The following ERC2 variants were observed in gnomAD, a reference collection of about 807,000 sequenced individuals.
ERC2 encodes ERC protein 2.
A neutral mutation model predicts 114.8 loss-of-function variants in ERC2; 42 were observed. The observed-to-expected ratio is 0.37, with a 90% CI of 0.29 to 0.47. The LOEUF (loss-of-function observed/expected upper bound fraction) is 0.47. Ranked by LOEUF, ERC2 falls within the 20% of genes least tolerant of loss-of-function variation. The pLI, the probability that ERC2 is intolerant of heterozygous loss-of-function variation, is 0.99. For synonymous variants in ERC2, 454 were observed against 425.5 expected (o/e 1.07, Z -0.82); for missense variants, 939 against 1,150.7 (o/e 0.82, Z 2.66).
chr3:56,206,522 C>G (rs2048748730), intron 3 of ERC2, among the ~76,000 whole-genome samples: 1 of 152,150 alleles, frequency 6.6e-6, no homozygotes, highest in African/African-American at 2.4e-5. Flanking sequence ...GCATTGATAA[C>G]TATGCTTATG....
intron 17 of ERC2, among the ~76,000 whole-genome samples, chr3:55,649,917 G>A (rs539414637): frequency 3.9e-5 from 6 of 152,286 alleles, no homozygotes; most frequent in African/African-American, 7.2e-5. Context: ...AATCCACGTC[G>A]CTGGAAGACA....
At chr3:55,644,314 A>T (rs1027690567) in intron 17 of ERC2, among the ~76,000 whole-genome samples, 4 of 152,254 alleles carry the variant, frequency 2.6e-5, no homozygotes, top group Admixed American at 2.0e-4. Flanking sequence ...TACCACAAAC[A>T]AGCATTTCTA....
intron 3 of ERC2, among the ~76,000 whole-genome samples, chr3:56,251,216 A>G (rs946925863): frequency 1.3e-5 from 2 of 152,254 alleles, no homozygotes; most frequent in African/African-American, 4.8e-5. Context: ...AAGTTGATCA[A>G]CAGAACAACC....
chr3:55,868,651 A>G (rs1444167657), intron 14 of ERC2, among the ~76,000 whole-genome samples: 1 of 152,136 alleles, frequency 6.6e-6, no homozygotes, highest in African/African-American at 2.4e-5. Context: ...CATAATTTTG[A>G]TCATTATTAC....
intron 2 of ERC2, among the ~76,000 whole-genome samples, chr3:56,306,184 T>A (rs2056217380): frequency 2.0e-5 from 3 of 152,060 alleles, no homozygotes; most frequent in Non-Finnish European, 2.9e-5. Context: ...GTAGTACAAT[T>A]GCGAGTCAAG....
chr3:55,905,055 A>G (rs930226249), intron 13 of ERC2, among the ~76,000 whole-genome samples: 1 of 152,184 alleles, frequency 6.6e-6, no homozygotes, highest in Non-Finnish European at 1.5e-5. Context: ...ACAAATCACC[A>G]AGCTTGTTGC....
intron 12 of ERC2, among the ~76,000 whole-genome samples, chr3:55,962,750 A>AT (rs1251981764): frequency 3.3e-5 from 5 of 152,210 alleles, no homozygotes; most frequent in African/African-American, 9.6e-5. Flanking sequence ...CAGAGCCAAG[A>AT]TTCTCAATCA....
chr3:56,276,881 T>C (rs946163308), intron 3 of ERC2, among the ~76,000 whole-genome samples: 2 of 152,016 alleles, frequency 1.3e-5, no homozygotes, highest in Non-Finnish European at 2.9e-5. Context: ...TCTAAGAAAG[T>C]TTACAAATTT....
At chr3:55,903,712 A>G (rs1291008768) in intron 13 of ERC2, among the ~76,000 whole-genome samples, 1 of 152,252 alleles carries the variant, frequency 6.6e-6, no homozygotes, top group East Asian at 1.9e-4. Context: ...TGGACTAAAA[A>G]CAATTAGGCT....
intron 6 of ERC2, among the ~76,000 whole-genome samples, chr3:56,095,434 T>C (rs759217068): frequency 1.3e-5 from 2 of 152,146 alleles, no homozygotes; most frequent in Non-Finnish European, 2.9e-5. Flanking sequence ...TGCAGAAAAT[T>C]TTTGTAAAGG....
chr3:55,686,214 T>C (rs2062324683), intron 16 of ERC2, among the ~76,000 whole-genome samples: 1 of 152,214 alleles, frequency 6.6e-6, no homozygotes, highest in Admixed American at 6.5e-5. Context: ...ACATCTTGTA[T>C]GCTAGTGAAT....
At chr3:56,458,655 T>C (rs958913460) in intron 1 of ERC2, among the ~76,000 whole-genome samples, 3 of 152,114 alleles carry the variant, frequency 2.0e-5, no homozygotes. Flanking sequence ...AATGCCACGC[T>C]GTTATCCCAC....
intron 3 of ERC2, among the ~76,000 whole-genome samples, chr3:56,288,994 GA>G (rs953266152): frequency 1.1e-4 from 17 of 152,070 alleles, no homozygotes; most frequent in Non-Finnish European, 1.9e-4. Context: ...AGATGTGTGT[GA>G]AAAAAATAAA....
At chr3:55,648,472 T>C (rs969478484) in intron 17 of ERC2, among the ~76,000 whole-genome samples, 3 of 152,156 alleles carry the variant, frequency 2.0e-5, no homozygotes, top group Non-Finnish European at 4.4e-5. Flanking sequence ...AAGTGCTCAA[T>C]AAACAGCAGG....
chr3:56,177,792 G>C (rs890355954), intron 3 of ERC2, among the ~76,000 whole-genome samples: 3 of 152,060 alleles, frequency 2.0e-5, no homozygotes, highest in African/African-American at 7.2e-5. Context: ...TTTATGAATT[G>C]GTTTCTAATG....
At chr3:56,049,292 G>A (rs763019885) in intron 7 of ERC2, among the ~76,000 whole-genome samples, 2 of 152,004 alleles carry the variant, frequency 1.3e-5, no homozygotes, top group Non-Finnish European at 2.9e-5. Context: ...CCAAGCAGGC[G>A]AGATTTCTGT....
At position 55,689,797 on chromosome 3, in the gene ERC2, C is replaced by CA. The variant is rs1318877326; in HGVS notation, c.2848-5939dup. On this transcript the variant is annotated intron_variant, in intron 16 of 17. Transcript: ENST00000288221. Reference sequence around the variant, plus strand: ...GGGCAACAAGAGCGAGACTCCGTCTCAAAAAAAAAAAAGAAAAAAAAAAGA... The same window carrying CA: ...GGGCAACAAGAGCGAGACTCCGTCTCAAAAAAAAAAAAAGAAAAAAAAAAGA... Among the ~76,000 whole-genome samples, 268 of 86,186 alleles carry CA rather than the reference C, an allele frequency of 3.1e-3. 1 individual carries two copies. The highest frequency in any genetic ancestry group is 6.9e-3 in the African/African-American group (159 of 23,210). The allele number at this position is 86,186 out of a possible 152,430, so 56.5% of individuals were successfully genotyped here. A position where few individuals can be genotyped will look rare whatever the true frequency, so the allele number is the denominator to read the frequency against.
At chr3:55,773,826 T>C (rs2149032550) in intron 14 of ERC2, among the ~76,000 whole-genome samples, 1 of 152,326 alleles carries the variant, frequency 6.6e-6, no homozygotes, top group South Asian at 2.1e-4. Flanking sequence ...AAACTGTAAG[T>C]ATATTTTTTG....
At chr3:56,214,896 T>C (rs1282743402) in intron 3 of ERC2, among the ~76,000 whole-genome samples, 1 of 152,066 alleles carries the variant, frequency 6.6e-6, no homozygotes, top group East Asian at 1.9e-4. Flanking sequence ...CAAACTAAGC[T>C]TCAGAAGTGA....
Sources: allele counts gnomAD v4.1 joint callset (sites outside exome capture counted in the v4.1 genomes callset), GRCh38; gene constraint gnomAD v4.1.1; transcripts MANE v1.5; gene names NCBI Gene and HGNC (gene_info 2026-07-23, HGNC 2026-07-21).